Variants in ARHGEF4 observed in about 807,000 individuals in gnomAD.
ARHGEF4 encodes the protein Rho guanine nucleotide exchange factor 4.
A neutral mutation model predicts 162.0 loss-of-function variants in ARHGEF4; 119 were observed. The ratio of observed to expected loss-of-function variants is 0.73; its 90% CI spans 0.63 to 0.86. The LOEUF (loss-of-function observed/expected upper bound fraction) is 0.86, where lower values mean the gene tolerates loss of function less well. Among genes scored for constraint, ARHGEF4 ranks in the 40% least tolerant of loss-of-function variants. The pLI is 0.00. For synonymous variants in ARHGEF4, 1,014 were observed against 979.9 expected, an observed-to-expected ratio of 1.03 and a Z score of -0.65; for missense variants, 2,488 against 2,456.0, an observed-to-expected ratio of 1.01 and a Z score of -0.28.
At chr2:130,948,856 G>T (rs1683781476) in intron 4 of ARHGEF4, among the ~76,000 whole-genome samples, 1 of 152,112 alleles carries the variant, frequency 6.6e-6, no homozygotes, top group South Asian at 2.1e-4. Flanking sequence ...TTCCTATTTT[G>T]TAAGGATAAT....
At chr2:130,888,118 C>T (rs547731796) in intron 1 of ARHGEF4, among the ~76,000 whole-genome samples, 4 of 152,118 alleles carry the variant, frequency 2.6e-5, no homozygotes, top group African/African-American at 7.2e-5. Flanking sequence ...TTAGCTTTGC[C>T]GTATTCCTTT....
At chr2:130,900,016 C>T (rs1478816434) in intron 1 of ARHGEF4, among the ~76,000 whole-genome samples, 1 of 152,092 alleles carries the variant, frequency 6.6e-6, no homozygotes, top group Non-Finnish European at 1.5e-5. Flanking sequence ...TAATTTCCAA[C>T]TGTTAGAGCA....
At chr2:130,880,735 A>G (rs114031416) in intron 1 of ARHGEF4, among the ~76,000 whole-genome samples, 4,188 of 152,120 alleles carry the variant, frequency 0.028, 168 homozygotes, top group African/African-American at 0.095. Context: ...AGGTTTCACT[A>G]TGCTGCCCAG....
intron 11 of ARHGEF4, among the ~76,000 whole-genome samples, chr2:131,043,879 C>G (rs1691021386): frequency 6.6e-6 from 1 of 152,174 alleles, no homozygotes; most frequent in Non-Finnish European, 1.5e-5. Context: ...CTCCACATCC[C>G]CTCTCTCCAA....
chr2:130,942,351 G>A (rs1481905066), intron 3 of ARHGEF4, among the ~76,000 whole-genome samples: 11 of 151,530 alleles, frequency 7.3e-5, no homozygotes, highest in South Asian at 2.1e-4. Flanking sequence ...GGGTTTCACC[G>A]TGTTAGCCAG....
At chr2:131,039,326 C>T (rs1690574238) in intron 6 of ARHGEF4, 2 of 1,210,542 alleles carry the variant, frequency 1.7e-6, no homozygotes, top group East Asian at 4.2e-5. Flanking sequence ...AGACATTTCC[C>T]AAGCCCTGAA....
intron 4 of ARHGEF4, among the ~76,000 whole-genome samples, chr2:131,020,658 G>A (rs1689066030): frequency 6.6e-6 from 1 of 152,122 alleles, no homozygotes. Context: ...ACTTACCTGT[G>A]CATGTGTCTT....
intron 5 of ARHGEF4, among the ~76,000 whole-genome samples, chr2:131,036,604 A>AC (rs1690303868): frequency 6.6e-6 from 1 of 152,148 alleles, no homozygotes; most frequent in East Asian, 1.9e-4. Context: ...ACCCAGTCCC[A>AC]CCTGCAGGGA....
intron 5 of ARHGEF4, among the ~76,000 whole-genome samples, chr2:131,032,053 G>A (rs1313901591): frequency 1.3e-5 from 2 of 152,140 alleles, no homozygotes; most frequent in Non-Finnish European, 2.9e-5. Flanking sequence ...CCTGTGAACA[G>A]CAGCCTGTCC....
chr2:131,013,874 T>A (rs1193576787), intron 4 of ARHGEF4, among the ~76,000 whole-genome samples: 1 of 152,256 alleles, frequency 6.6e-6, no homozygotes, highest in African/African-American at 2.4e-5. Flanking sequence ...GTGCTGAGAT[T>A]ACAGGCGTGA....
rs1178369367 is a variant in ARHGEF4 at position 130,846,965 on chromosome 2, A to G, written c.39+9973A>G. 2.4e-4 allele frequency among the ~76,000 whole-genome samples: 37 copies of G among 152,200 alleles called. 1 individual carries two copies. The highest frequency in any genetic ancestry group is 2.4e-3 in the Admixed American group (36 of 15,280). On this transcript the variant is annotated intron_variant, in intron 1 of 13. Transcript: ENST00000409359. ...CACAGAGTGTGTTTCCACTGTATCCACAGACATGTGCCAAGCCCTCCAAGC... is the reference window on the plus strand; with the variant it reads ...CACAGAGTGTGTTTCCACTGTATCCGCAGACATGTGCCAAGCCCTCCAAGC...
intron 5 of ARHGEF4, among the ~76,000 whole-genome samples, chr2:131,030,922 C>G (rs796904441): frequency 3.3e-5 from 5 of 152,364 alleles, no homozygotes; most frequent in African/African-American, 1.2e-4. Flanking sequence ...CAGGCCAGTT[C>G]CCGGGCCTTC....
In ARHGEF4 at chr2:131,035,368, A is replaced by G. The variant is rs1690184481; in HGVS notation, c.4126-3485A>G. The G allele has an allele frequency of 2.3e-5, 23 of 1,004,942 alleles. No homozygotes were observed. In the South Asian group the frequency reaches 8.5e-4, roughly 37 times the overall value. 62.3% of individuals were successfully genotyped at this position (1,004,942 alleles called of 1,614,324 possible). ...GGTCGCGGAGGGAAGGCCTCCTTCCACCCCATGTGCTCACTACCAGGGCCT... is the reference window on the plus strand; with the variant it reads ...GGTCGCGGAGGGAAGGCCTCCTTCCGCCCCATGTGCTCACTACCAGGGCCT... On this transcript the variant is annotated intron_variant, in intron 5 of 13. Transcript: ENST00000409359.
chr2:131,028,339 C>G (rs1689616944), intron 5 of ARHGEF4, among the ~76,000 whole-genome samples: 1 of 152,196 alleles, frequency 6.6e-6, no homozygotes, highest in Admixed American at 6.5e-5. Flanking sequence ...GCTGGTCCAC[C>G]TTATGGGGCT....
At chr2:130,888,645 A>G (rs34935049) in intron 1 of ARHGEF4, among the ~76,000 whole-genome samples, 27,256 of 151,882 alleles carry the variant, frequency 0.18, 2,991 homozygotes, top group East Asian at 0.34. Context: ...TCTTCAGTCT[A>G]TTGGTTATTG....
chr2:130,838,553 C>T (rs755520983), intron 1 of ARHGEF4, among the ~76,000 whole-genome samples: 15 of 151,792 alleles, frequency 9.9e-5, no homozygotes, highest in Non-Finnish European at 1.9e-4. Context: ...TTGCAGTGAG[C>T]CAAGATAGCA....
At chr2:131,005,740 G>C (rs1475005380) in intron 4 of ARHGEF4, among the ~76,000 whole-genome samples, 1 of 152,144 alleles carries the variant, frequency 6.6e-6, no homozygotes, top group African/African-American at 2.4e-5. Context: ...GTGGGCACTG[G>C]GGGGAGATGC....
intron 1 of ARHGEF4, among the ~76,000 whole-genome samples, chr2:130,865,704 T>TTTTGTTTGTTTG (rs143950880): frequency 5.9e-4 from 89 of 151,734 alleles, no homozygotes; most frequent in East Asian, 2.1e-3. Context: ...CAAAGATAGG[T>TTTTGTTTGTTTG]TTTGTTTGTT....
Position 130,916,471 on chromosome 2 carries a change from G to C in ARHGEF4, c.2525G>C (p.Gly842Ala). 6.5e-7 allele frequency: 1 copy of C among 1,544,694 alleles called. No homozygotes were observed. Among genetic ancestry groups the C allele is most frequent in the Non-Finnish European group, 8.7e-7 (1 of 1,146,288 alleles). The part of the protein sequence containing the change: ...LPRENPPAAA[G>A]RDAPPLHHGD... Reference sequence around the variant, plus strand: ...AGGGAGAATCCGCCCGCTGCGGCCGGTCGGGACGCACCGCCTCTGCACCAC... The same window carrying C: ...AGGGAGAATCCGCCCGCTGCGGCCGCTCGGGACGCACCGCCTCTGCACCAC... Residue 842 changes from glycine (G) to alanine (A), a missense_variant, in exon 2 of 14, where the codon GGT becomes GCT. By Grantham distance (60) the Gly-to-Ala change is moderately conservative. Transcript: ENST00000409359.
Sources: gnomAD v4.1 joint callset for allele counts (sites outside exome capture counted in the v4.1 genomes callset) on GRCh38, gnomAD v4.1.1 for gene constraint, MANE v1.5 for transcripts, NCBI Gene and HGNC (gene_info 2026-07-23, HGNC 2026-07-21) for gene names.